Variants in RHPN2 observed in about 807,000 individuals in gnomAD.
RHPN2 encodes the protein rhophilin-2.
Under a neutral mutation model 79.0 loss-of-function variants are expected in RHPN2, and 40 were observed. The ratio of observed to expected loss-of-function variants is 0.51; its 90% CI spans 0.39 to 0.66. The LOEUF (loss-of-function observed/expected upper bound fraction) is 0.66. Ranked by LOEUF, RHPN2 falls within the 30% of genes least tolerant of loss-of-function variation. RHPN2 has a pLI of 0.00. For missense variants in RHPN2, 686 were observed against 883.5 expected, an observed-to-expected ratio of 0.78 and a Z score of 2.83; for synonymous variants, 285 against 363.5, an observed-to-expected ratio of 0.78 and a Z score of 2.46.
intron 3 of RHPN2, among the ~76,000 whole-genome samples, chr19:33,023,649 G>C (rs1971942576): frequency 6.6e-6 from 1 of 151,718 alleles, no homozygotes; most frequent in Non-Finnish European, 1.5e-5. Context: ...GCCAGGCAAG[G>C]TGGCGGGCGC....
At chr19:33,008,809 C>A (rs1971814272) in intron 6 of RHPN2, among the ~76,000 whole-genome samples, 1 of 152,164 alleles carries the variant, frequency 6.6e-6, no homozygotes. Context: ...TGCACTGAGG[C>A]TTTTGTTTCC....
chr19:33,048,761 A>C (rs1175538314), intron 1 of RHPN2, among the ~76,000 whole-genome samples: 2 of 149,538 alleles, frequency 1.3e-5, no homozygotes, highest in Non-Finnish European at 3.0e-5. Context: ...ATGTTAAGCT[A>C]TTATAATTAA....
chr19:33,014,195 T>C (rs10423689), intron 4 of RHPN2, among the ~76,000 whole-genome samples: 60,672 of 151,658 alleles, frequency 0.4, 13,503 homozygotes, highest in East Asian at 0.64. Flanking sequence ...TACACAACTT[T>C]TACATTAAAG....
At chr19:32,983,964 T>C (rs1185869669) in intron 14 of RHPN2, among the ~76,000 whole-genome samples, 1 of 152,076 alleles carries the variant, frequency 6.6e-6, no homozygotes. Context: ...CATTCCTCAC[T>C]CAAATCCACC....
chr19:33,064,635 C>T (rs1276533949), intron 1 of RHPN2, 149 bp downstream of exon 1: 1 of 781,906 alleles, frequency 1.3e-6, no homozygotes, highest in Non-Finnish European at 1.9e-6. Flanking sequence ...TCCCCGCCAG[C>T]CTCCGTCCGG....
chr19:33,046,090 T>C (rs187662990), intron 1 of RHPN2, among the ~76,000 whole-genome samples: 1,826 of 120,096 alleles, frequency 0.015, 19 homozygotes, highest in Non-Finnish European at 0.02. Flanking sequence ...GTGTACTTTA[T>C]CCATTCATCA....
At chr19:33,020,681 G>A (rs933936398) in intron 4 of RHPN2, among the ~76,000 whole-genome samples, 10 of 152,134 alleles carry the variant, frequency 6.6e-5, no homozygotes, top group African/African-American at 2.4e-4. Context: ...TGTACATTTA[G>A]TAGAGACAGG....
intron 9 of RHPN2, among the ~76,000 whole-genome samples, chr19:33,000,577 C>T (rs1971741348): frequency 6.6e-6 from 1 of 152,084 alleles, no homozygotes; most frequent in Non-Finnish European, 1.5e-5. Context: ...CACACAGAAC[C>T]TCCTGGCATA....
chr19:33,007,859 G>A (rs371332119), intron 7 of RHPN2, among the ~76,000 whole-genome samples, 155 bp downstream of exon 7: 30 of 151,796 alleles, frequency 2.0e-4, no homozygotes, highest in African/African-American at 6.3e-4. Flanking sequence ...CACCGCGCCC[G>A]GCCGGAGCAA....
At position 32,983,027 on chromosome 19, in the gene RHPN2, C is replaced by T. The variant is rs1971586363; in HGVS notation, c.1801-2771G>A. Among the ~76,000 whole-genome samples the T allele has an allele frequency of 2.0e-5, 3 of 149,098 alleles. No individual in the cohort carries two copies. In the South Asian group the frequency reaches 6.4e-4, roughly 32 times the overall value. ...GTGCCTGGATCCCATTCCCTCTCTC[C>T]TCCAGGCACCCTTGCCTCCCAGATC... On this transcript the variant is annotated intron_variant, in intron 14 of 14. Transcript: ENST00000254260.
At chr19:33,022,957 C>A (rs1053767005) in intron 3 of RHPN2, among the ~76,000 whole-genome samples, 1 of 152,132 alleles carries the variant, frequency 6.6e-6, no homozygotes, top group South Asian at 2.1e-4. Flanking sequence ...AGAGGAGGAG[C>A]GAGTGTCCTG....
rs1971666237 is a variant in RHPN2 at position 32,992,229 on chromosome 19, T to C, written c.1498-260A>G. ...CTTTTTCTCTTTTTTTTTGAGACATTGTCTCACTCTGTCGCCCAGGCTAGA... is the reference window on the plus strand; with the variant it reads ...CTTTTTCTCTTTTTTTTTGAGACATCGTCTCACTCTGTCGCCCAGGCTAGA... On this transcript the variant is annotated intron_variant, in intron 12 of 14. Transcript: ENST00000254260. The C allele has an allele frequency of 1.4e-5, 6 of 419,028 alleles. No homozygotes were observed. In the Admixed American group the frequency reaches 2.1e-4, roughly 15 times the overall value. The allele number at this position is 419,028 out of a possible 1,614,324, so 26.0% of individuals were successfully genotyped here.
At chr19:33,032,297 G>C (rs556452097) in intron 2 of RHPN2, among the ~76,000 whole-genome samples, 1 of 152,280 alleles carries the variant, frequency 6.6e-6, no homozygotes, top group East Asian at 1.9e-4. Flanking sequence ...GATTATAGGC[G>C]TGAGCCACCG....
At chr19:33,042,933 G>T (rs1173719904) in intron 2 of RHPN2, among the ~76,000 whole-genome samples, 1 of 152,048 alleles carries the variant, frequency 6.6e-6, no homozygotes, top group Non-Finnish European at 1.5e-5. Context: ...ACAAAAATGA[G>T]CCGGGCACGG....
At chr19:33,013,319 C>T (rs1971852058) in intron 4 of RHPN2, among the ~76,000 whole-genome samples, 1 of 152,106 alleles carries the variant, frequency 6.6e-6, no homozygotes, top group Non-Finnish European at 1.5e-5. Context: ...CTCAGCCTCC[C>T]AAGTAGCTGG....
At chr19:32,995,674 C>T (rs752011753) in intron 11 of RHPN2, among the ~76,000 whole-genome samples, 1 of 152,066 alleles carries the variant, frequency 6.6e-6, no homozygotes, top group Non-Finnish European at 1.5e-5. Flanking sequence ...GCCTGGCCAA[C>T]ATGGTGAAAC....
chr19:32,988,080 T>G (rs1233232033), intron 14 of RHPN2, among the ~76,000 whole-genome samples: 1 of 151,990 alleles, frequency 6.6e-6, no homozygotes, highest in Non-Finnish European at 1.5e-5. Context: ...ACACCTGTAG[T>G]TCCAGCTACT....
intron 2 of RHPN2, among the ~76,000 whole-genome samples, chr19:33,034,783 CAAAAAAAAAA>C (rs58456679): frequency 3.9e-5 from 2 of 50,894 alleles, no homozygotes; most frequent in Non-Finnish European, 7.3e-5. Context: ...GACTCCATCT[CAAAAAAAAAA>C]AAAAAAAAAA....
At chr19:33,051,990 C>CAA (rs1231161092) in intron 1 of RHPN2, among the ~76,000 whole-genome samples, 4,021 of 80,950 alleles carry the variant, frequency 0.05, 261 homozygotes, top group African/African-American at 0.15. Context: ...GACCCTGTCT[C>CAA]AAAAAAAAAA....
Sources: allele counts gnomAD v4.1 joint callset (sites outside exome capture counted in the v4.1 genomes callset), GRCh38; gene constraint gnomAD v4.1.1; transcripts MANE v1.5; gene names NCBI Gene and HGNC (gene_info 2026-07-23, HGNC 2026-07-21).